BCR: variants seen among roughly 807,000 people sequenced by gnomAD.
BCR encodes BCR activator of RhoGEF and GTPase, also known as breakpoint cluster region protein.
In BCR, 58 loss-of-function variants were observed where a neutral mutation model predicts 138.6. The ratio of observed to expected loss-of-function variants is 0.42; its 90% CI spans 0.34 to 0.52. The LOEUF (loss-of-function observed/expected upper bound fraction) is 0.52. BCR is among the 20% of genes least tolerant of loss of function. BCR has a pLI of 0.06. For missense variants in BCR, 1,599 were observed against 1,727.2 expected (o/e 0.93, Z 1.32); for synonymous variants, 786 against 730.1 (o/e 1.08, Z -1.23).
intron 1 of BCR, among the ~76,000 whole-genome samples, chr22:23,213,850 AGAAG>A (rs796180093): frequency 3.7e-5 from 5 of 135,330 alleles, no homozygotes; most frequent in Middle Eastern, 3.4e-3. Context: ...AAAAAAAAAA[AGAAG>A]AAGAAGGAGG....
intron 1 of BCR, among the ~76,000 whole-genome samples, chr22:23,225,782 A>C (rs975719366): frequency 1.3e-5 from 2 of 151,030 alleles, no homozygotes; most frequent in East Asian, 3.9e-4. Flanking sequence ...GTCATCCAAG[A>C]CTCCTCCCTT....
intron 10 of BCR, among the ~76,000 whole-genome samples, 172 bp from the exon 11 acceptor site, chr22:23,286,987 C>T (rs1428199752): frequency 2.0e-5 from 3 of 152,314 alleles, no homozygotes; most frequent in Non-Finnish European, 4.4e-5. Flanking sequence ...CTGTTTCTGT[C>T]CTCCAGAGGC....
chr22:23,226,327 A>AGT (rs751492915), intron 1 of BCR, among the ~76,000 whole-genome samples: 1,469 of 46,160 alleles, frequency 0.032, 9 homozygotes, highest in South Asian at 0.063. Flanking sequence ...AGAGAGAGAG[A>AGT]GTGTGTGTGT....
intron 15 of BCR, among the ~76,000 whole-genome samples, chr22:23,293,431 C>G (rs1205331528): frequency 6.6e-6 from 1 of 152,160 alleles, no homozygotes; most frequent in African/African-American, 2.4e-5. Context: ...TCAGCATCCA[C>G]TACTCTTTGA....
intron 1 of BCR, among the ~76,000 whole-genome samples, chr22:23,250,374 TTTG>T (rs1185143467): frequency 6.6e-6 from 1 of 152,180 alleles, no homozygotes; most frequent in Non-Finnish European, 1.5e-5. Flanking sequence ...CCCACCTTAT[TTTG>T]TTGTTGTTTG....
intron 1 of BCR, among the ~76,000 whole-genome samples, chr22:23,240,409 T>C (rs1260917609): frequency 1.3e-5 from 2 of 150,894 alleles, no homozygotes; most frequent in Admixed American, 6.6e-5. Context: ...CCCAGCACTT[T>C]GGGAGGCTGA....
chr22:23,310,777 G>C (rs984229292), intron 18 of BCR, among the ~76,000 whole-genome samples: 5 of 152,176 alleles, frequency 3.3e-5, no homozygotes, highest in Admixed American at 3.3e-4. Flanking sequence ...AGCCTGTTTG[G>C]TTTGAGAGCA....
chr22:23,184,214 C>T lies in BCR; in HGVS notation c.1279+1975C>T, dbSNP rs5996478. Among the ~76,000 whole-genome samples, 809 of 152,262 alleles carry T rather than the reference C, an allele frequency of 5.3e-3. 7 individuals are homozygous for T. The highest frequency in any genetic ancestry group is 0.018 in the African/African-American group (761 of 41,556). On this transcript the variant is annotated intron_variant, in intron 1 of 22. Coordinates refer to ENST00000305877, the MANE Select transcript of BCR (RefSeq NM_004327.4). ...AGGTGATCCACCACAGCCTTTTCAG[C>T]AGCTGGGACTGCAGGCTCAAACCAC...
In BCR at chr22:23,292,598, C is replaced by T. The variant is rs1568977392; in HGVS notation, c.2840C>T (p.Thr947Met). Residue 947 changes from threonine (T) to methionine (M), a missense_variant, in exon 15 of 23, where the codon ACG becomes ATG. Transcript: ENST00000305877. Reference protein sequence around the residue: ...SFGYFVNKAKTRVYRDTAEPN... With the variant: ...SFGYFVNKAKMRVYRDTAEPN... ...GGGTATTTTGTGAATAAAGCAAAGA[C>T]GCGCGTCTACAGGGACACAGCTGAG... 1.2e-6 allele frequency: 2 copies of T among 1,613,486 alleles called. No homozygotes were observed. Among genetic ancestry groups the T allele is most frequent in the African/African-American group, 2.7e-5 (2 of 75,006 alleles).
At chr22:23,298,220 C>T (rs1455210127) in intron 16 of BCR, among the ~76,000 whole-genome samples, 1 of 152,064 alleles carries the variant, frequency 6.6e-6, no homozygotes, top group East Asian at 1.9e-4. Flanking sequence ...CTGGTGAAAC[C>T]GACCCGACAG....
At chr22:23,260,401 AG>A (rs1193168794) in intron 2 of BCR, among the ~76,000 whole-genome samples, 1 of 152,208 alleles carries the variant, frequency 6.6e-6, no homozygotes, top group East Asian at 1.9e-4. Flanking sequence ...AGATGGTAGC[AG>A]TCCCTGTGGC....
At chr22:23,285,294 CTG>C in intron 10 of BCR, 93 bp downstream of exon 10, 1 of 1,402,842 alleles carries the variant, frequency 7.1e-7, no homozygotes, top group African/African-American at 1.4e-5. Context: ...CGTCAGGCCT[CTG>C]GGCCCCAGGT....
At chr22:23,262,567 C>T (rs1568960833) in intron 4 of BCR, among the ~76,000 whole-genome samples, 1 of 152,212 alleles carries the variant, frequency 6.6e-6, no homozygotes, top group African/African-American at 2.4e-5. Context: ...ACCCCCGTTT[C>T]TCCGTGTGTG....
chr22:23,211,735 C>T (rs743585), intron 1 of BCR, among the ~76,000 whole-genome samples: 51,070 of 151,706 alleles, frequency 0.34, 9,066 homozygotes, highest in East Asian at 0.66. Context: ...GTTGTAAACT[C>T]CTAACCTCAG....
chr22:23,309,143 C>T (rs1306957904), intron 16 of BCR, among the ~76,000 whole-genome samples: 2 of 152,250 alleles, frequency 1.3e-5, no homozygotes. Context: ...ATGGAGAGAG[C>T]CTGCCAGCCT....
chr22:23,221,393 C>CA (rs2072822753), intron 1 of BCR, among the ~76,000 whole-genome samples: 1 of 152,220 alleles, frequency 6.6e-6, no homozygotes, highest in South Asian at 2.1e-4. Context: ...CTCCCTCCTT[C>CA]ACCCTGTTCC....
At chr22:23,298,878 G>A (rs2073874617) in intron 16 of BCR, among the ~76,000 whole-genome samples, 1 of 152,178 alleles carries the variant, frequency 6.6e-6, no homozygotes, top group African/African-American at 2.4e-5. Flanking sequence ...GATTATAGGC[G>A]TGAGCTACTG....
At chr22:23,247,944 G>A (rs920943932) in intron 1 of BCR, among the ~76,000 whole-genome samples, 3 of 152,098 alleles carry the variant, frequency 2.0e-5, no homozygotes, top group Admixed American at 6.5e-5. Flanking sequence ...ACATTACATT[G>A]TGCTTCTCCC....
At chr22:23,289,492 G>T (rs1198023903) in intron 12 of BCR, 25 bp from the exon 13 acceptor site, 9 of 1,592,628 alleles carry the variant, frequency 5.7e-6, no homozygotes, top group Non-Finnish European at 8.6e-7. Flanking sequence ...TGACCAATTG[G>T]TGCACCTCTT....
Sources: allele counts gnomAD v4.1 joint callset (sites outside exome capture counted in the v4.1 genomes callset), GRCh38; gene constraint gnomAD v4.1.1; transcripts MANE v1.5; gene names NCBI Gene and HGNC (gene_info 2026-07-23, HGNC 2026-07-21).